ELF1: variants seen among roughly 807,000 people sequenced by gnomAD.
The protein encoded by ELF1 is ETS-related transcription factor Elf-1.
In ELF1, 24 loss-of-function variants were observed where a neutral mutation model predicts 59.9. That is an observed-to-expected ratio of 0.40 (90% CI 0.29 to 0.56). The LOEUF (loss-of-function observed/expected upper bound fraction) is 0.56. Among genes scored for constraint, ELF1 ranks in the 20% least tolerant of loss-of-function variants. The pLI, the probability that ELF1 is intolerant of heterozygous loss-of-function variation, is 0.44. For synonymous variants in ELF1, 248 were observed against 266.2 expected (o/e 0.93, Z 0.67); for missense variants, 627 against 742.2 (o/e 0.84, Z 1.80).
chr13:41,001,378 A>C (rs754774026), intron 1 of ELF1, among the ~76,000 whole-genome samples: 6 of 152,134 alleles, frequency 3.9e-5, no homozygotes, highest in Non-Finnish European at 5.9e-5. Flanking sequence ...ACTTGAGCCC[A>C]GGAGTTTGAG....
intron 2 of ELF1, among the ~76,000 whole-genome samples, chr13:40,978,774 T>C (rs1437840796): frequency 6.6e-6 from 1 of 151,100 alleles, no homozygotes; most frequent in African/African-American, 2.4e-5. Context: ...AAATGTCATT[T>C]CCACCCTAAA....
chr13:40,950,168 T>C (rs1354815634), intron 4 of ELF1, among the ~76,000 whole-genome samples, 195 bp from the exon 5 acceptor site: 2 of 152,216 alleles, frequency 1.3e-5, no homozygotes, highest in Admixed American at 1.3e-4. Context: ...GCTATTTCAA[T>C]GTCTTTCTTA....
chr13:41,044,029 T>C (rs1163212096), intron 1 of ELF1, among the ~76,000 whole-genome samples: 1 of 152,232 alleles, frequency 6.6e-6, no homozygotes, highest in East Asian at 1.9e-4. Flanking sequence ...TTAAGTTGGA[T>C]TCCTAGGTAT....
chr13:40,959,373 G>C (rs911227812), intron 2 of ELF1, among the ~76,000 whole-genome samples: 6 of 152,084 alleles, frequency 3.9e-5, no homozygotes, highest in African/African-American at 1.4e-4. Context: ...GCATGCACCT[G>C]TAGTCTCAGC....
chr13:40,948,799 T>A (rs1283369065), intron 5 of ELF1, among the ~76,000 whole-genome samples: 1 of 152,158 alleles, frequency 6.6e-6, no homozygotes, highest in Non-Finnish European at 1.5e-5. Flanking sequence ...TTTTTCCAAC[T>A]GGAGTCTTAT....
At chr13:41,008,768 CT>C (rs1370037594) in intron 1 of ELF1, among the ~76,000 whole-genome samples, 1 of 152,106 alleles carries the variant, frequency 6.6e-6, no homozygotes, top group Non-Finnish European at 1.5e-5. Context: ...AATACATCTA[CT>C]TTTTGTGACT....
At position 41,001,926 on chromosome 13, in the gene ELF1, T is replaced by C. The variant is rs142117568; in HGVS notation, c.-229+17302A>G. On this transcript the variant is annotated intron_variant, in intron 1 of 8. Transcript: ENST00000239882. Reference sequence around the variant, plus strand: ...ACATAGGCTGTTATCTTAAAACCCATGAAAGAAACTTCTGTCTCTCTCGTT... The same window carrying C: ...ACATAGGCTGTTATCTTAAAACCCACGAAAGAAACTTCTGTCTCTCTCGTT... 5.0e-3 allele frequency among the ~76,000 whole-genome samples: 755 copies of C among 152,208 alleles called. 10 individuals are homozygous for C. The highest frequency in any genetic ancestry group is 0.017 in the African/African-American group (713 of 41,540).
At chr13:41,060,866 T>TCGCCGCACCTCTCGCCAC (rs1190276149) in exon 1 of ELF1, 15 of 330,884 alleles carry the variant, frequency 4.5e-5, no homozygotes, top group African/African-American at 3.4e-4. Flanking sequence ...TCTGCCTCCT[T>TCGCCGCACCTCTCGCCAC]CGCCGCACCT....
At chr13:41,004,422 T>C (rs937618512) in intron 1 of ELF1, among the ~76,000 whole-genome samples, 2 of 151,934 alleles carry the variant, frequency 1.3e-5, no homozygotes, top group African/African-American at 2.4e-5. Context: ...GAGAAACAGG[T>C]AGAATAGGAA....
At chr13:41,017,985 A>T (rs906438940) in intron 1 of ELF1, among the ~76,000 whole-genome samples, 4 of 152,172 alleles carry the variant, frequency 2.6e-5, no homozygotes, top group Non-Finnish European at 4.4e-5. Context: ...GAGATCTGTT[A>T]ATATCAACAA....
chr13:41,060,771 G>T (rs1050197489), intron 1 of ELF1: 1 of 167,548 alleles, frequency 6.0e-6, no homozygotes, highest in Admixed American at 6.4e-5. Flanking sequence ...GGGCCACCTG[G>T]GTGAAAACCA....
At chr13:40,993,333 T>C in intron 1 of ELF1, 1 of 1,407,506 alleles carries the variant, frequency 7.1e-7, no homozygotes, top group South Asian at 1.2e-5. Flanking sequence ...TTTTTCACAT[T>C]TCAGCTACAA....
chr13:41,053,557 A>G (rs1200148914), intron 1 of ELF1, among the ~76,000 whole-genome samples: 1 of 152,092 alleles, frequency 6.6e-6, no homozygotes, highest in Non-Finnish European at 1.5e-5. Flanking sequence ...GGCTGCTTCA[A>G]CCCACTTCTG....
At chr13:41,017,977 G>A (rs1365332889) in intron 1 of ELF1, among the ~76,000 whole-genome samples, 2 of 152,096 alleles carry the variant, frequency 1.3e-5, no homozygotes, top group African/African-American at 4.8e-5. Flanking sequence ...GCAAAATTGA[G>A]ATCTGTTAAT....
Position 40,962,926 on chromosome 13 carries a change from T to C in ELF1, c.73-3910A>G, listed in dbSNP as rs760485692. 4.9e-4 allele frequency among the ~76,000 whole-genome samples: 75 copies of C among 152,226 alleles called. 1 individual carries two copies. Among genetic ancestry groups the C allele is most frequent in the Non-Finnish European group, 9.1e-4 (62 of 68,030 alleles). ...TCATGGATTCTACTGTCTGAGCTTA[T>C]AACATTTCACGAGAAGAGATTATTC... On this transcript the variant is annotated intron_variant, in intron 2 of 8. Transcript: ENST00000239882.
chr13:41,041,106 T>C (rs1375374426), intron 1 of ELF1, among the ~76,000 whole-genome samples: 1 of 151,342 alleles, frequency 6.6e-6, no homozygotes, highest in African/African-American at 2.4e-5. Flanking sequence ...GGAGAGAAAA[T>C]TATAGGCACA....
intron 1 of ELF1, among the ~76,000 whole-genome samples, chr13:41,035,506 T>A (rs1190740629): frequency 6.6e-6 from 1 of 152,128 alleles, no homozygotes; most frequent in Non-Finnish European, 1.5e-5. Flanking sequence ...ACTTTCTCAC[T>A]TTCCTGACTT....
At chr13:40,965,770 T>C (rs904804208) in intron 2 of ELF1, among the ~76,000 whole-genome samples, 1 of 152,266 alleles carries the variant, frequency 6.6e-6, no homozygotes, top group Non-Finnish European at 1.5e-5. Context: ...AATAATTAGA[T>C]TAAGCATCTT....
At chr13:41,012,722 AT>A (rs919329479) in intron 1 of ELF1, among the ~76,000 whole-genome samples, 72 of 148,490 alleles carry the variant, frequency 4.8e-4, no homozygotes, top group East Asian at 2.2e-3. Flanking sequence ...TTAAAAAAAA[AT>A]TTTTTTTTTC....
Sources: gnomAD v4.1 joint callset for allele counts (sites outside exome capture counted in the v4.1 genomes callset) on GRCh38, gnomAD v4.1.1 for gene constraint, MANE v1.5 for transcripts, NCBI Gene and HGNC (gene_info 2026-07-23, HGNC 2026-07-21) for gene names.